The following GLP1R variants were observed in gnomAD, a reference collection of about 807,000 sequenced individuals.
GLP1R encodes glucagon-like peptide 1 receptor.
GLP1R carries 32 observed loss-of-function variants against 68.4 expected under a neutral mutation model. The ratio of observed to expected loss-of-function variants is 0.47; its 90% CI spans 0.35 to 0.63. GLP1R has a LOEUF of 0.63. Among genes scored for constraint, GLP1R ranks in the 20% least tolerant of loss-of-function variants. GLP1R has a pLI of 0.00. For missense variants in GLP1R, 502 were observed against 594.9 expected (o/e 0.84, Z 1.62); for synonymous variants, 263 against 244.4 (o/e 1.08, Z -0.71).
rs16891580 is a variant in GLP1R at position 39,088,177 on chromosome 6, G to C, written c.*2104G>C. Among the ~76,000 whole-genome samples, 79 of 152,156 alleles carry C rather than the reference G, an allele frequency of 5.2e-4. 1 individual carries two copies. The highest frequency in any genetic ancestry group is 8.4e-4 in the Non-Finnish European group (57 of 67,998). On this transcript the variant is annotated 3_prime_UTR_variant, in exon 13 of 13. Transcript: ENST00000373256. ...CGAGAACTGGTGATTCCTGATTTCA[G>C]AAGGCTCATCAGACCCCTACACCCA...
chr6:39,083,544 G>A (rs1769065830), intron 12 of GLP1R, among the ~76,000 whole-genome samples: 2 of 152,210 alleles, frequency 1.3e-5, no homozygotes, highest in South Asian at 2.1e-4. Flanking sequence ...GCTGTAGCTT[G>A]TGCCTGAGAG....
intron 3 of GLP1R, among the ~76,000 whole-genome samples, chr6:39,064,053 GTAGT>G (rs10592701): frequency 0.07 from 10,200 of 146,378 alleles, 491 homozygotes; most frequent in African/African-American, 0.11. Context: ...CTAGGCTGGA[GTAGT>G]TAGTGGCTTG....
At chr6:39,066,432 A>G in intron 5 of GLP1R, 129 bp downstream of exon 5, 1 of 609,576 alleles carries the variant, frequency 1.6e-6, no homozygotes, top group Non-Finnish European at 2.9e-6. Context: ...AGCTCTCTAC[A>G]GAGCCCTGAC....
chr6:39,058,989 G>C (rs1768288128), intron 3 of GLP1R, among the ~76,000 whole-genome samples: 1 of 152,236 alleles, frequency 6.6e-6, no homozygotes, highest in African/African-American at 2.4e-5. Context: ...GAGGTGGCCT[G>C]GTGGGGCCCA....
chr6:39,071,061 C>T (rs1306811544), intron 5 of GLP1R, among the ~76,000 whole-genome samples: 1 of 151,984 alleles, frequency 6.6e-6, no homozygotes, highest in Non-Finnish European at 1.5e-5. Context: ...AGAAATCTTT[C>T]CTTGGCTGGG....
intron 1 of GLP1R, among the ~76,000 whole-genome samples, chr6:39,054,950 T>C (rs1249766797): frequency 1.3e-5 from 2 of 152,238 alleles, no homozygotes; most frequent in Non-Finnish European, 2.9e-5. Context: ...GCAGCTGTTA[T>C]GTTTGATTTC....
In GLP1R at chr6:39,078,358, T is replaced by C; in HGVS notation, c.860T>C (p.Val287Ala). ...PLLFVVPWGI[V>A]KYLYEDEGCW... ...CTGTTTGTTGTCCCCTGGGGCATTGTCAAGTACCTCTATGAGGACGAGGGG... is the reference window on the plus strand; with the variant it reads ...CTGTTTGTTGTCCCCTGGGGCATTGCCAAGTACCTCTATGAGGACGAGGGG... Residue 287 changes from valine to alanine, a missense_variant, in exon 8 of 13, where the codon GTC (valine) becomes GCC (alanine). Val to Ala is a moderately conservative substitution (Grantham distance 64). Transcript: ENST00000373256. 1 of 1,612,814 alleles carries C rather than the reference T, an allele frequency of 6.2e-7. No homozygotes were observed. Among genetic ancestry groups the C allele is most frequent in the Non-Finnish European group, 8.5e-7 (1 of 1,178,848 alleles).
At chr6:39,083,895 G>T (rs923925056) in intron 12 of GLP1R, among the ~76,000 whole-genome samples, 3 of 152,182 alleles carry the variant, frequency 2.0e-5, no homozygotes, top group African/African-American at 7.2e-5. Context: ...GGAACAGAAG[G>T]AACCTGATGT....
rs1768708688 is a variant in GLP1R, at chr6:39,072,734, A to G, written c.510-128A>G. The G allele has an allele frequency of 1.1e-5, 8 of 742,634 alleles. 1 individual carries two copies. In the South Asian group the frequency reaches 1.5e-4, roughly 13 times the overall value. 46.0% of individuals were successfully genotyped at this position (742,634 alleles called of 1,614,324 possible). ...GATGATGAGGAAGAAGGGTATTCAT[A>G]GAAGAAGACACACGCACAGTCCCAG... On this transcript the variant is annotated intron_variant, in intron 5 of 12. Transcript: ENST00000373256.
Position 39,072,726 on chromosome 6 carries a change from G to A in GLP1R, c.510-136G>A, listed in dbSNP as rs10305472. On this transcript the variant is annotated intron_variant, in intron 5 of 12. Transcript: ENST00000373256. ...ATTTTCACGATGATGAGGAAGAAGGGTATTCATAGAAGAAGACACACGCAC... is the reference window on the plus strand; with the variant it reads ...ATTTTCACGATGATGAGGAAGAAGGATATTCATAGAAGAAGACACACGCAC... 8.4e-3 allele frequency: 5,866 copies of A among 699,892 alleles called. 233 individuals are homozygous for A. The African/African-American group carries it at 0.085, about 10-fold the overall frequency. The allele number at this position is 699,892 out of a possible 1,614,324, so 43.4% of individuals were successfully genotyped here. A position where few individuals can be genotyped will look rare whatever the true frequency, so the allele number is the denominator to read the frequency against.
intron 1 of GLP1R, among the ~76,000 whole-genome samples, chr6:39,052,556 C>G (rs572587814): frequency 6.6e-6 from 1 of 152,206 alleles, no homozygotes; most frequent in Admixed American, 6.5e-5. Context: ...TACACTTATT[C>G]GCACTGAGAA....
At chr6:39,057,785 C>A (rs541074692) in intron 3 of GLP1R, among the ~76,000 whole-genome samples, 1 of 149,676 alleles carries the variant, frequency 6.7e-6, no homozygotes, top group Non-Finnish European at 1.5e-5. Context: ...TGGTACCTGC[C>A]GTGGGTCAGC....
At chr6:39,062,740 A>G (rs1240449799) in intron 3 of GLP1R, among the ~76,000 whole-genome samples, 5 of 152,232 alleles carry the variant, frequency 3.3e-5, no homozygotes, top group Non-Finnish European at 7.3e-5. Context: ...TCCGGAGGCA[A>G]AGAGCTGGCG....
At chr6:39,071,670 C>G (rs1768670836) in intron 5 of GLP1R, among the ~76,000 whole-genome samples, 1 of 152,090 alleles carries the variant, frequency 6.6e-6, no homozygotes, top group Non-Finnish European at 1.5e-5. Flanking sequence ...TTCTGTTTAT[C>G]TTTCCCTGTC....
At chr6:39,063,463 A>G (rs1455568199) in intron 3 of GLP1R, among the ~76,000 whole-genome samples, 2 of 152,158 alleles carry the variant, frequency 1.3e-5, no homozygotes, top group African/African-American at 4.8e-5. Context: ...TTGGAACACC[A>G]TCGTTCCCAC....
In GLP1R at chr6:39,087,884, A is replaced by C. The variant is rs1185146167; in HGVS notation, c.*1811A>C. ...TCCCCAGAACAAGGGCAGGCTTCCC[A>C]AAGGCACCCCTTATTTGCTGTCTCT... On this transcript the variant is annotated 3_prime_UTR_variant, in exon 13 of 13. Transcript: ENST00000373256. 1 of 152,196 alleles carries C rather than the reference A, an allele frequency of 6.6e-6. No individual in the cohort carries two copies. Among genetic ancestry groups the C allele is most frequent in the Non-Finnish European group, 1.5e-5 (1 of 68,040 alleles). The allele number at this position is 152,196 out of a possible 1,614,324, so 9.4% of individuals were successfully genotyped here.
At chr6:39,051,898 G>T (rs11760106) in intron 1 of GLP1R, among the ~76,000 whole-genome samples, 47,789 of 149,452 alleles carry the variant, frequency 0.32, 9,255 homozygotes, top group Middle Eastern at 0.43. Context: ...TGTGTGTGGG[G>T]GGGGGGGCAT....
chr6:39,069,372 G>A (rs542419113), intron 5 of GLP1R, among the ~76,000 whole-genome samples: 45 of 152,258 alleles, frequency 3.0e-4, no homozygotes, highest in African/African-American at 1.0e-3. Context: ...AGTGGCTCAC[G>A]CCTGTAATCC....
At chr6:39,069,520 C>T (rs1768601615) in intron 5 of GLP1R, among the ~76,000 whole-genome samples, 2 of 151,948 alleles carry the variant, frequency 1.3e-5, no homozygotes, top group Non-Finnish European at 2.9e-5. Context: ...GTAGTCCCAG[C>T]TACTCGGGAG....
Sources: gnomAD v4.1 joint callset for allele counts (sites outside exome capture counted in the v4.1 genomes callset) on GRCh38, gnomAD v4.1.1 for gene constraint, MANE v1.5 for transcripts, NCBI Gene and HGNC (gene_info 2026-07-23, HGNC 2026-07-21) for gene names.